The following NCBP3 variants were observed in gnomAD, a reference collection of about 807,000 sequenced individuals.
The protein encoded by NCBP3 is nuclear cap binding subunit 3, also known as nuclear cap-binding protein subunit 3.
NCBP3 carries 20 observed loss-of-function variants against 75.7 expected under a neutral mutation model. That is an observed-to-expected ratio of 0.26 (90% CI 0.19 to 0.38). The LOEUF (loss-of-function observed/expected upper bound fraction) is 0.38. Among genes scored for constraint, NCBP3 ranks in the 10% least tolerant of loss-of-function variants. NCBP3 has a pLI of 1.00. For missense variants in NCBP3, 678 were observed against 796.9 expected (o/e 0.85, Z 1.80); for synonymous variants, 293 against 290.5 (o/e 1.01, Z -0.09).
chr17:3,814,191 G>A, intron 12 of NCBP3, 131 bp downstream of exon 12: 1 of 937,034 alleles, frequency 1.1e-6, no homozygotes, highest in Non-Finnish European at 1.6e-6. Flanking sequence ...AACTATAATG[G>A]AAAAGGAATA....
chr17:3,837,981 T>C (rs2054004145), intron 3 of NCBP3, among the ~76,000 whole-genome samples: 1 of 144,854 alleles, frequency 6.9e-6, no homozygotes, highest in African/African-American at 2.7e-5. Context: ...AGTTGTACGT[T>C]AAAAAAAAAA....
At chr17:3,824,367 TACACATACACAC>T (rs2053734042) in intron 7 of NCBP3, 1 of 131,952 alleles carries the variant, frequency 7.6e-6, no homozygotes, top group African/African-American at 3.3e-5. Flanking sequence ...CACACACACA[TACACATACACAC>T]ACATATACAT....
At chr17:3,829,191 CTT>C (rs1354594724) in intron 4 of NCBP3, 50 bp downstream of exon 4, 1 of 1,543,724 alleles carries the variant, frequency 6.5e-7, no homozygotes, top group Non-Finnish European at 8.8e-7. Context: ...GGCAAGAACT[CTT>C]GAAAAATCAT....
rs1452501669 is a variant in NCBP3 at position 3,806,459 on chromosome 17, A to C, written c.*6585T>G. The C allele has an allele frequency of 6.6e-6, 1 of 152,192 alleles. No homozygotes were observed. Among genetic ancestry groups the C allele is most frequent in the Admixed American group, 6.5e-5 (1 of 15,278 alleles). 9.4% of individuals were successfully genotyped at this position (152,192 alleles called of 1,614,324 possible). ...GCCCAGAGGTGATGGTGACAATTTG[A>C]GATAACACAAAGTCTCAACTATTTA... On this transcript the variant is annotated 3_prime_UTR_variant, in exon 13 of 13. Transcript: ENST00000389005.
intron 8 of NCBP3, 73 bp downstream of exon 8, chr17:3,821,880 T>C (rs2053672825): frequency 2.1e-6 from 2 of 967,282 alleles, no homozygotes; most frequent in Non-Finnish European, 3.3e-6. Context: ...GGTTTAGACA[T>C]TTCACCACGG....
intron 7 of NCBP3, chr17:3,823,870 G>A (rs972982631): frequency 3.9e-5 from 6 of 152,202 alleles, no homozygotes; most frequent in African/African-American, 1.2e-4. Flanking sequence ...TGATGCTCTG[G>A]AAATGACATG....
At chr17:3,822,130 C>T (rs1037056910) in intron 7 of NCBP3, 78 bp from the exon 8 acceptor site, 11 of 990,088 alleles carry the variant, frequency 1.1e-5, no homozygotes, top group African/African-American at 1.6e-5. Context: ...TTAATGTTTT[C>T]CATAGCTGGA....
chr17:3,813,164 C>G lies in NCBP3; in HGVS notation c.1743G>C (p.Trp581Cys). 6.2e-7 allele frequency: 1 copy of G among 1,614,236 alleles called. No homozygotes were observed. The highest frequency in any genetic ancestry group is 8.5e-7 in the Non-Finnish European group (1 of 1,180,040). The change falls in exon 13 of 13, where the codon TGG (tryptophan) becomes TGC (cysteine). Residue 581 changes from tryptophan to cysteine, a missense_variant. Transcript: ENST00000389005. ...GCTCTTTCTCCTTAATCAGAGCCCC[C>G]CATGCCCTTTGCAGCTCAGAGTCGT... ...EEDDSELQRA[W>C]GALIKEKEQS...
chr17:3,818,267 T>C lies in NCBP3; in HGVS notation c.1306A>G (p.Ile436Val). 1 of 1,576,198 alleles carries C rather than the reference T, an allele frequency of 6.3e-7. No individual in the cohort carries two copies. The highest frequency in any genetic ancestry group is 1.7e-4 in the Middle Eastern group (1 of 5,882). The change falls in exon 10 of 13, where the codon ATT becomes GTT. Residue 436 changes from isoleucine to valine, a missense_variant. Ile to Val is a conservative substitution (Grantham distance 29). This residue lies in a region of NCBP3 where 365 missense variants were observed against 392.7 expected (regional missense o/e 0.93). Transcript: ENST00000389005. This position sits in a 1 kb window ranked among gnomAD's most constrained non-coding sequence, Gnocchi z 4.7. ...ADEVESQLKN[I>V]RNSMRADSVS... ...TTTGATAAAACAAATTTTTACCTAA[T>C]ATTTTTCAACTGAGATTCCACTTCG...
intron 3 of NCBP3, among the ~76,000 whole-genome samples, chr17:3,832,325 AAAT>A (rs1267704077): frequency 1.7e-5 from 2 of 120,814 alleles, no homozygotes; most frequent in African/African-American, 5.0e-5. Context: ...AAAATAAATA[AAAT>A]AATAATGTAA....
At chr17:3,830,203 G>A (rs919768064) in intron 3 of NCBP3, among the ~76,000 whole-genome samples, 1 of 151,970 alleles carries the variant, frequency 6.6e-6, no homozygotes, top group African/African-American at 2.4e-5. Context: ...CCTCAGTATC[G>A]CCCCTCAACA....
chr17:3,820,316 T>C (rs17763464), intron 9 of NCBP3, among the ~76,000 whole-genome samples: 26,280 of 152,166 alleles, frequency 0.17, 2,884 homozygotes, highest in Non-Finnish European at 0.24. Context: ...ATAAAACATC[T>C]AGACTTCATC....
At chr17:3,825,694 T>C (rs2053771222) in intron 6 of NCBP3, 73 bp downstream of exon 6, 1 of 1,115,678 alleles carries the variant, frequency 9.0e-7, no homozygotes, top group African/African-American at 1.6e-5. Context: ...ACTAAGTCTT[T>C]AAGGCTTAAG....
chr17:3,835,525 C>T (rs2053958435), intron 3 of NCBP3, among the ~76,000 whole-genome samples: 1 of 152,276 alleles, frequency 6.6e-6, no homozygotes, highest in African/African-American at 2.4e-5. Flanking sequence ...ACCCGAAGGG[C>T]TACTGTATGA....
intron 10 of NCBP3, among the ~76,000 whole-genome samples, chr17:3,816,951 C>T (rs570418742): frequency 5.9e-5 from 9 of 152,018 alleles, no homozygotes; most frequent in African/African-American, 2.2e-4. Flanking sequence ...GCTGTGAACC[C>T]AGAAGGCGGA....
At position 3,846,180 on chromosome 17, in the gene NCBP3, G is replaced by T; in HGVS notation, c.44C>A (p.Ala15Asp). The change falls in exon 1 of 13, where the codon GCC (alanine) becomes GAC (aspartate). Residue 15 changes from alanine to aspartate, a missense_variant. Physicochemically the swap from Ala to Asp is moderately radical, Grantham distance 126. Transcript: ENST00000389005. The surrounding 1 kb of genome is among the most constrained non-coding windows in gnomAD (Gnocchi z 4.6). ...RGLRVSVKAE[A>D]PAGPALGLPS... is the part of the protein sequence containing the mutation. ...GAGCCCCAGGGCCGGCCCCGCCGGG[G>T]CCTCCGCCTTCACCGACACCCGCAG... is the stretch of plus-strand genomic sequence containing the variant. The T allele has an allele frequency of 1.3e-6, 2 of 1,518,288 alleles. No individual in the cohort carries two copies. Among genetic ancestry groups the T allele is most frequent in the Non-Finnish European group, 1.8e-6 (2 of 1,133,822 alleles). 94.1% of individuals were successfully genotyped at this position (1,518,288 alleles called of 1,614,324 possible).
chr17:3,822,264 A>C (rs779615654), intron 7 of NCBP3: 13 of 450,348 alleles, frequency 2.9e-5, no homozygotes, highest in Non-Finnish European at 5.1e-5. Flanking sequence ...AATGAGGTTA[A>C]AACTGCTGTT....
In NCBP3 at chr17:3,812,529, G is replaced by A. The variant is rs1183109274; in HGVS notation, c.*515C>T. ...CTGGTGCACCTCTGAGGTCAGGTCC[G>A]TGAGATTCGCCCCACACTAGGGTCC... On this transcript the variant is annotated 3_prime_UTR_variant, in exon 13 of 13. Coordinates refer to ENST00000389005, the MANE Select transcript of NCBP3 (RefSeq NM_001114118.3). 1.8e-5 allele frequency: 18 copies of A among 999,730 alleles called. No individual in the cohort carries two copies. Among genetic ancestry groups the A allele is most frequent in the Admixed American group, 5.4e-5 (1 of 18,444 alleles). 61.9% of individuals were successfully genotyped at this position (999,730 alleles called of 1,614,324 possible). A position where few individuals can be genotyped will look rare whatever the true frequency, so the allele number is the denominator to read the frequency against.
At chr17:3,831,804 C>T (rs1268667796) in intron 3 of NCBP3, among the ~76,000 whole-genome samples, 1 of 120,994 alleles carries the variant, frequency 8.3e-6, no homozygotes, top group African/African-American at 2.5e-5. Context: ...TTTAACAGCA[C>T]AGTAGGGTGA....
Sources: allele counts gnomAD v4.1 joint callset (sites outside exome capture counted in the v4.1 genomes callset), GRCh38; gene constraint gnomAD v4.1.1; regional missense constraint gnomAD v4.1.1; non-coding constraint Gnocchi (gnomAD v3.1); transcripts MANE v1.5; gene names NCBI Gene and HGNC (gene_info 2026-07-23, HGNC 2026-07-21).